EIF4B: variants seen among roughly 807,000 people sequenced by gnomAD.
EIF4B encodes eukaryotic translation initiation factor 4B.
Under a neutral mutation model 79.3 loss-of-function variants are expected in EIF4B, and 8 were observed. That is an observed-to-expected ratio of 0.10 (90% CI 0.06 to 0.18). The LOEUF is 0.18. Ranked by LOEUF, EIF4B falls within the 10% of genes least tolerant of loss-of-function variation. EIF4B has a pLI of 1.00. For missense variants in EIF4B, 515 were observed against 792.4 expected (o/e 0.65, Z 4.20); for synonymous variants, 238 against 274.7 (o/e 0.87, Z 1.32).
rs367932879 is a variant in EIF4B, at chr12:53,037,412, C to T, written c.1310C>T (p.Ala437Val). The T allele has an allele frequency of 1.7e-5, 28 of 1,611,256 alleles. No homozygotes were observed. The highest frequency in any genetic ancestry group is 2.1e-4 in the Middle Eastern group (1 of 4,822). The change falls in exon 11 of 15, where the codon GCA becomes GTA. Residue 437 changes from alanine to valine, a missense_variant. By Grantham distance (64) the Ala-to-Val change is moderately conservative (BLOSUM62 0). Around this residue, in one of 6 missense-constraint regions of EIF4B, gnomAD observed 146 missense variants for 228.0 expected, o/e 0.64. Transcript: ENST00000262056. ...TATTTTCACTCTGGCTTCACAGATG[C>T]ACGAAGGAGAGAGAGTGAGAAGTCT... ...TGTSTTSSRN[A>V]RRRESEKSLE...
At chr12:53,019,628 A>G (rs1029245516) in intron 3 of EIF4B, among the ~76,000 whole-genome samples, 7 of 148,978 alleles carry the variant, frequency 4.7e-5, no homozygotes, top group East Asian at 2.0e-4. Context: ...GGCCTCCCAA[A>G]GTGCTGGGAC....
chr12:53,015,014 T>C (rs1487545262), intron 1 of EIF4B: 1 of 152,252 alleles, frequency 6.6e-6, no homozygotes, highest in Non-Finnish European at 1.5e-5. Flanking sequence ...AAATATTCCA[T>C]AACTGTGGGA....
At chr12:53,016,421 C>G (rs752176718) in intron 1 of EIF4B, 52 bp from the exon 2 acceptor site, 1 of 1,607,774 alleles carries the variant, frequency 6.2e-7, no homozygotes, top group Non-Finnish European at 8.5e-7. Context: ...TTGTACAACT[C>G]TGTAAATACC....
chr12:53,019,882 A>G (rs1369054147), intron 3 of EIF4B, 28 bp from the exon 4 acceptor site: 3 of 1,598,694 alleles, frequency 1.9e-6, no homozygotes, highest in African/African-American at 1.3e-5. Flanking sequence ...ATGCTGGGAA[A>G]CTTTGTTGTT....
At chr12:53,040,100 A>G in intron 14 of EIF4B, 43 bp from the exon 15 acceptor site, 13 of 1,609,464 alleles carry the variant, frequency 8.1e-6, no homozygotes, top group Non-Finnish European at 1.0e-5. Flanking sequence ...TTGATGTGAT[A>G]ATTCAGGGCC....
chr12:53,009,390 G>T (rs1943023909), intron 1 of EIF4B, among the ~76,000 whole-genome samples: 1 of 152,078 alleles, frequency 6.6e-6, no homozygotes, highest in Non-Finnish European at 1.5e-5. Context: ...GGGGTTTTGG[G>T]CTGGGCGTGG....
chr12:53,024,648 CTTTG>C (rs1565588391), intron 6 of EIF4B, among the ~76,000 whole-genome samples: 1 of 151,906 alleles, frequency 6.6e-6, no homozygotes, highest in African/African-American at 2.4e-5. Flanking sequence ...TTTACAAGCT[CTTTG>C]TTTTGTTTTG....
chr12:53,038,854 G>A, intron 12 of EIF4B: 1 of 177,096 alleles, frequency 5.6e-6, no homozygotes, highest in African/African-American at 2.4e-5. Context: ...ACCTTTTCTT[G>A]CCAGTAGAGG....
intron 14 of EIF4B, 187 bp from the exon 15 acceptor site, chr12:53,039,956 A>G (rs1943603699): frequency 1.4e-6 from 1 of 718,234 alleles, no homozygotes; most frequent in Admixed American, 2.7e-5. Context: ...GTATGAGACT[A>G]TAGTAAGATC....
intron 10 of EIF4B, 81 bp downstream of exon 10, chr12:53,034,790 A>C: frequency 6.8e-7 from 1 of 1,472,450 alleles, no homozygotes; most frequent in Non-Finnish European, 9.5e-7. Context: ...AGACCCTGCA[A>C]TATTTAAATT....
intron 1 of EIF4B, among the ~76,000 whole-genome samples, chr12:53,007,070 G>A (rs575694765): frequency 1.3e-5 from 2 of 152,198 alleles, no homozygotes; most frequent in East Asian, 1.9e-4. Context: ...CAATGCGTGC[G>A]CTAGAACCCA....
chr12:53,031,826 G>C (rs1044653202), intron 8 of EIF4B, among the ~76,000 whole-genome samples: 1 of 152,194 alleles, frequency 6.6e-6, no homozygotes, highest in Non-Finnish European at 1.5e-5. Context: ...TGGTTATTTA[G>C]AGGACAGAGT....
chr12:53,039,866 C>A (rs1414044474), intron 14 of EIF4B, 164 bp downstream of exon 14: 3 of 669,482 alleles, frequency 4.5e-6, no homozygotes, highest in African/African-American at 4.2e-5. Flanking sequence ...TTGGTCTTTA[C>A]TGAAATAGCG....
chr12:53,037,709 G>A, intron 11 of EIF4B, 87 bp downstream of exon 11: 1 of 1,375,498 alleles, frequency 7.3e-7, no homozygotes, highest in Admixed American at 1.9e-5. Flanking sequence ...CGGGATGCCA[G>A]CGTTGTATAG....
intron 1 of EIF4B, among the ~76,000 whole-genome samples, chr12:53,007,745 C>T (rs1942993220): frequency 6.6e-6 from 1 of 152,140 alleles, no homozygotes; most frequent in African/African-American, 2.4e-5. Flanking sequence ...TACAAAGAAG[C>T]TAAGGGTTTT....
intron 1 of EIF4B, among the ~76,000 whole-genome samples, chr12:53,015,944 C>T (rs1388636505): frequency 6.8e-6 from 1 of 148,000 alleles, no homozygotes; most frequent in Non-Finnish European, 1.5e-5. Context: ...CACCATTGCA[C>T]TCCAGCCTGG....
Position 53,041,699 on chromosome 12 carries a change from C to T in EIF4B, c.*1476C>T, listed in dbSNP as rs1943642122. ...TTTGCAAGCCCTTCTCCCATCAGTC[C>T]TAGATTAGGCCCTGTTCAGCCATGC... On this transcript the variant is annotated 3_prime_UTR_variant, in exon 15 of 15. Coordinates refer to ENST00000262056, the MANE Select transcript of EIF4B (RefSeq NM_001417.7). 1.3e-5 allele frequency: 2 copies of T among 152,104 alleles called. No homozygotes were observed. Among genetic ancestry groups the T allele is most frequent in the Admixed American group, 1.3e-4 (2 of 15,260 alleles). 9.4% of individuals were successfully genotyped at this position (152,104 alleles called of 1,614,324 possible).
rs540370489 is a variant in EIF4B at position 53,041,898 on chromosome 12, A to G, written c.*1675A>G. On this transcript the variant is annotated 3_prime_UTR_variant, in exon 15 of 15. Coordinates refer to ENST00000262056, the MANE Select transcript of EIF4B (RefSeq NM_001417.7). ...AAGGGTTTTTCTTTCTTTTTTAAAA[A>G]AGAAAAACAAACTATTGATTGTAGA... The G allele has an allele frequency of 2.6e-5, 4 of 152,646 alleles. No homozygotes were observed. The highest frequency in any genetic ancestry group is 7.2e-5 in the African/African-American group (3 of 41,568). The allele number at this position is 152,646 out of a possible 1,614,324, so 9.5% of individuals were successfully genotyped here.
intron 14 of EIF4B, 188 bp downstream of exon 14, chr12:53,039,890 T>C (rs1943602448): frequency 1.3e-6 from 1 of 768,960 alleles, no homozygotes; most frequent in African/African-American, 1.7e-5. Flanking sequence ...GAAGTTTAGC[T>C]TTTTCCTGGT....
Sources: gnomAD v4.1 joint callset for allele counts (sites outside exome capture counted in the v4.1 genomes callset) on GRCh38, gnomAD v4.1.1 for gene constraint, gnomAD v4.1.1 regional missense constraint, MANE v1.5 for transcripts, NCBI Gene and HGNC (gene_info 2026-07-23, HGNC 2026-07-21) for gene names.